SH3KBP1: variants seen among roughly 807,000 people sequenced by gnomAD.
The protein encoded by SH3KBP1 is SH3 domain-containing kinase-binding protein 1.
A neutral mutation model predicts 50.1 loss-of-function variants in SH3KBP1; 8 were observed. The ratio of observed to expected loss-of-function variants is 0.16; its 90% CI spans 0.09 to 0.29. The LOEUF (loss-of-function observed/expected upper bound fraction) is 0.29. Among genes scored for constraint, SH3KBP1 ranks in the 10% least tolerant of loss-of-function variants. The pLI, the probability that SH3KBP1 is intolerant of heterozygous loss-of-function variation, is 1.00. For synonymous variants in SH3KBP1, 227 were observed against 218.6 expected (o/e 1.04, Z -0.34); for missense variants, 377 against 535.2 (o/e 0.70, Z 2.92).
intron 3 of SH3KBP1, among the ~76,000 whole-genome samples, chrX:19,739,014 G>GAAAAAAAAAAAAAAAAAAAAAAAA (rs1167676836): frequency 4.5e-5 from 1 of 22,463 alleles, no homozygotes; most frequent in African/African-American, 1.5e-4. Flanking sequence ...CTGCCTCCAA[G>GAAAAAAAAAAAAAAAAAAAAAAAA]AAAAAAAAAA....
chrX:19,819,870 ACTG>A (rs1343163207), intron 2 of SH3KBP1, among the ~76,000 whole-genome samples: 1 of 111,185 alleles, frequency 9.0e-6, no homozygotes, highest in African/African-American at 3.3e-5. Flanking sequence ...TCCTCTCAGT[ACTG>A]CTTTAGCTGG....
chrX:19,597,188 CA>C (rs1382848557), intron 9 of SH3KBP1, among the ~76,000 whole-genome samples: 1 of 112,201 alleles, frequency 8.9e-6, no homozygotes, highest in African/African-American at 3.2e-5. Flanking sequence ...GTTGTAGTAG[CA>C]GGCATGAAAA....
At chrX:19,607,800 T>C (rs1175936518) in intron 9 of SH3KBP1, 138 bp downstream of exon 9, 1 of 515,441 alleles carries the variant, frequency 1.9e-6, no homozygotes, top group Non-Finnish European at 3.4e-6. Context: ...ACAGAGTATA[T>C]GGCAGCCGAG....
intron 6 of SH3KBP1, among the ~76,000 whole-genome samples, chrX:19,648,977 T>C (rs2062056945): frequency 8.9e-6 from 1 of 111,955 alleles, no homozygotes. Flanking sequence ...ACGCAATGTC[T>C]AGCTCCAGTA....
chrX:19,764,806 C>T (rs1237594474), intron 2 of SH3KBP1, among the ~76,000 whole-genome samples: 3 of 106,119 alleles, frequency 2.8e-5, no homozygotes, highest in African/African-American at 1.0e-4. Flanking sequence ...TGGACATGCG[C>T]TCCAACTCTT....
At chrX:19,710,763 C>T (rs1478680667) in intron 3 of SH3KBP1, among the ~76,000 whole-genome samples, 1 of 110,599 alleles carries the variant, frequency 9.0e-6, no homozygotes. Context: ...GTAGCACCCA[C>T]GGGTAAGGGG....
At chrX:19,875,713 TC>T (rs930298316) in intron 1 of SH3KBP1, among the ~76,000 whole-genome samples, 3 of 112,634 alleles carry the variant, frequency 2.7e-5, no homozygotes, top group African/African-American at 9.7e-5. Context: ...TCCGGTGGGC[TC>T]AGTCTCACTA....
intron 9 of SH3KBP1, among the ~76,000 whole-genome samples, chrX:19,607,038 T>C (rs746549426): frequency 3.5e-5 from 4 of 112,764 alleles, no homozygotes; most frequent in Non-Finnish European, 7.5e-5. Flanking sequence ...AACAATTACA[T>C]CCATTCATCA....
intron 12 of SH3KBP1, among the ~76,000 whole-genome samples, chrX:19,573,214 T>A (rs961361888): frequency 3.6e-5 from 4 of 112,061 alleles, no homozygotes; most frequent in Non-Finnish European, 5.6e-5. Flanking sequence ...AAGAAAGAAA[T>A]AGTCCAAAAT....
rs1437191219 is a variant in SH3KBP1, at chrX:19,546,145, C to T, written c.1495-95G>A. 6 of 1,000,026 alleles carry T rather than the reference C, an allele frequency of 6.0e-6. No individual in the cohort carries two copies. In the East Asian group the frequency reaches 1.6e-4, roughly 26 times the overall value. 82.4% of individuals were successfully genotyped at this position (1,000,026 alleles called of 1,213,427 possible). A position where few individuals can be genotyped will look rare whatever the true frequency, so the allele number is the denominator to read the frequency against. ...TGCTGTATGCTTTAAAAGCACTCGA[C>T]ACTGCTATTTTGTCTTCTCACGATA... On this transcript the variant is annotated intron_variant, in intron 14 of 17. Coordinates refer to ENST00000397821, the MANE Select transcript of SH3KBP1 (RefSeq NM_031892.3).
chrX:19,577,911 C>T (rs1025684653), intron 12 of SH3KBP1, among the ~76,000 whole-genome samples: 5 of 110,617 alleles, frequency 4.5e-5, no homozygotes, highest in East Asian at 5.7e-4. Context: ...AAAGGAGGTA[C>T]GAGTGTTTGG....
intron 2 of SH3KBP1, among the ~76,000 whole-genome samples, chrX:19,763,170 C>G (rs1477431632): frequency 8.9e-6 from 1 of 111,741 alleles, no homozygotes; most frequent in Non-Finnish European, 1.9e-5. Flanking sequence ...ACAAAGGCAA[C>G]TGAGGGACAA....
chrX:19,742,456 C>T (rs2064796751), intron 3 of SH3KBP1, among the ~76,000 whole-genome samples: 1 of 111,494 alleles, frequency 9.0e-6, no homozygotes, highest in South Asian at 3.7e-4. Flanking sequence ...TTCAAATGGA[C>T]AAAAATCCAC....
At chrX:19,671,309 T>A (rs2062786043) in intron 6 of SH3KBP1, among the ~76,000 whole-genome samples, 1 of 110,561 alleles carries the variant, frequency 9.0e-6, no homozygotes, top group Non-Finnish European at 1.9e-5. Context: ...ATATGACATA[T>A]CAATCATGAA....
intron 3 of SH3KBP1, among the ~76,000 whole-genome samples, chrX:19,711,623 C>A: frequency 1.0e-5 from 1 of 99,074 alleles, no homozygotes; most frequent in Admixed American, 1.1e-4. Flanking sequence ...TTTCACATCC[C>A]CAATTCCCCA....
intron 1 of SH3KBP1, among the ~76,000 whole-genome samples, chrX:19,837,657 T>A (rs1321268791): frequency 9.2e-6 from 1 of 109,247 alleles, no homozygotes; most frequent in Non-Finnish European, 1.9e-5. Flanking sequence ...GCCAGGCTGG[T>A]CTTGAACTCC....
At chrX:19,756,353 T>C (rs1229653811) in intron 2 of SH3KBP1, among the ~76,000 whole-genome samples, 1 of 111,532 alleles carries the variant, frequency 9.0e-6, no homozygotes, top group Non-Finnish European at 1.9e-5. Flanking sequence ...GGCACACAGC[T>C]GGTCCTCTCA....
chrX:19,617,080 C>G (rs1368425872), intron 8 of SH3KBP1, among the ~76,000 whole-genome samples: 1 of 112,414 alleles, frequency 8.9e-6, no homozygotes, highest in Non-Finnish European at 1.9e-5. Context: ...CCCAGCAGTC[C>G]TGAATTACAG....
chrX:19,809,774 C>G (rs1486338148), intron 2 of SH3KBP1, among the ~76,000 whole-genome samples: 3 of 111,681 alleles, frequency 2.7e-5, no homozygotes, highest in African/African-American at 9.8e-5. Flanking sequence ...GTGCCAGATC[C>G]CAGATTGCAG....
Sources: gnomAD v4.1 joint callset for allele counts (sites outside exome capture counted in the v4.1 genomes callset) on GRCh38, gnomAD v4.1.1 for gene constraint, MANE v1.5 for transcripts, NCBI Gene and HGNC (gene_info 2026-07-23, HGNC 2026-07-21) for gene names.